Variants in PDZRN4 observed in about 807,000 individuals in gnomAD.
PDZRN4 encodes the protein PDZ domain containing ring finger 4, also known as PDZ domain-containing RING finger protein 4.
In PDZRN4, 70 loss-of-function variants were observed where a neutral mutation model predicts 99.0. That is an observed-to-expected ratio of 0.71 (90% CI 0.58 to 0.86). PDZRN4 has a LOEUF of 0.86. Ranked by LOEUF, PDZRN4 falls within the 40% of genes least tolerant of loss-of-function variation. The pLI is 0.00. For missense variants in PDZRN4, 1,474 were observed against 1,331.2 expected (o/e 1.11, Z -1.67); for synonymous variants, 551 against 501.6 (o/e 1.10, Z -1.32).
At chr12:41,498,140 T>C (rs1938042962) in intron 3 of PDZRN4, among the ~76,000 whole-genome samples, 1 of 152,056 alleles carries the variant, frequency 6.6e-6, no homozygotes, top group South Asian at 2.1e-4. Context: ...AATCTCTCTC[T>C]CTCTCTCTCT....
chr12:41,469,868 T>G (rs1198124610), intron 3 of PDZRN4, among the ~76,000 whole-genome samples: 1 of 152,022 alleles, frequency 6.6e-6, no homozygotes, highest in Admixed American at 6.5e-5. Context: ...AGGCAGAGCT[T>G]GCAGTGAGCA....
At chr12:41,225,018 T>C (rs1336884159) in intron 3 of PDZRN4, among the ~76,000 whole-genome samples, 2 of 152,070 alleles carry the variant, frequency 1.3e-5, no homozygotes, top group African/African-American at 2.4e-5. Context: ...TAAAGAAAAA[T>C]AGGAACAAGT....
At position 41,449,980 on chromosome 12, in the gene PDZRN4, C is replaced by T. The variant is rs1247062396; in HGVS notation, c.844-56476C>T. Among the ~76,000 whole-genome samples the T allele has an allele frequency of 3.3e-5, 5 of 152,050 alleles. No individual in the cohort carries two copies. The East Asian group carries it at 9.7e-4, about 29-fold the overall frequency. On this transcript the variant is annotated intron_variant, in intron 3 of 9. Coordinates refer to ENST00000402685, the MANE Select transcript of PDZRN4 (RefSeq NM_001164595.2). The stretch of plus-strand genomic sequence containing the variant: ...TAGTTATAAAATATACTGGAAATTG[C>T]CTAAATTTTATTTGATGATGATGCC...
At chr12:41,362,792 T>C (rs1287591537) in intron 3 of PDZRN4, among the ~76,000 whole-genome samples, 1 of 152,100 alleles carries the variant, frequency 6.6e-6, no homozygotes, top group African/African-American at 2.4e-5. Context: ...GCAAGCAGTT[T>C]AGTTACTGCC....
chr12:41,394,357 G>C (rs1056221744), intron 3 of PDZRN4, among the ~76,000 whole-genome samples: 2 of 152,172 alleles, frequency 1.3e-5, no homozygotes, highest in Non-Finnish European at 2.9e-5. Context: ...TATTCCAAGA[G>C]TGACAGCCTT....
chr12:41,289,644 C>T (rs12313636), intron 3 of PDZRN4, among the ~76,000 whole-genome samples: 12,161 of 148,116 alleles, frequency 0.082, 636 homozygotes, highest in African/African-American at 0.15. Flanking sequence ...GTGCAGCTTG[C>T]AAGGCACGGC....
chr12:41,524,720 T>C (rs968871272), intron 5 of PDZRN4, among the ~76,000 whole-genome samples: 1 of 152,164 alleles, frequency 6.6e-6, no homozygotes, highest in Non-Finnish European at 1.5e-5. Context: ...GGAAACAGCA[T>C]GATTTCTATT....
At chr12:41,201,064 G>T (rs1283364485) in intron 3 of PDZRN4, among the ~76,000 whole-genome samples, 4 of 151,184 alleles carry the variant, frequency 2.6e-5, no homozygotes, top group Non-Finnish European at 5.9e-5. Flanking sequence ...TTGCTCCTTT[G>T]CTTAGGGGCC....
At chr12:41,349,787 A>G (rs1255161715) in intron 3 of PDZRN4, among the ~76,000 whole-genome samples, 1 of 152,000 alleles carries the variant, frequency 6.6e-6, no homozygotes, top group Admixed American at 6.6e-5. Flanking sequence ...TTCATAACAG[A>G]GGTATATGTA....
chr12:41,291,289 G>C (rs75713164), intron 3 of PDZRN4, among the ~76,000 whole-genome samples: 1,793 of 152,192 alleles, frequency 0.012, 21 homozygotes, highest in African/African-American at 0.027. Context: ...TGAAGCATAA[G>C]ATTTAAATGG....
intron 3 of PDZRN4, among the ~76,000 whole-genome samples, chr12:41,226,403 T>C (rs918085858): frequency 6.6e-5 from 10 of 152,178 alleles, no homozygotes; most frequent in Non-Finnish European, 1.3e-4. Context: ...TTTGAGGTCA[T>C]GGATTTTGGG....
rs562545168 is a variant in PDZRN4, at chr12:41,490,484, C to T, written c.844-15972C>T. On this transcript the variant is annotated intron_variant, in intron 3 of 9. Transcript: ENST00000402685. ...AAGAAAATTATTTGGAATGCCATGT[C>T]GATTACAAAGTATTAGAAATAATTT... is the stretch of plus-strand genomic sequence containing the variant. 3.9e-5 allele frequency among the ~76,000 whole-genome samples: 6 copies of T among 152,116 alleles called. No homozygotes were observed. The South Asian group carries it at 8.3e-4, about 21-fold the overall frequency.
rs117190594 is a variant in PDZRN4, at chr12:41,238,596, T to A, written c.843+44408T>A. On this transcript the variant is annotated intron_variant, in intron 3 of 9. Coordinates refer to ENST00000402685, the MANE Select transcript of PDZRN4 (RefSeq NM_001164595.2). ...GACAGACACCTCTCAAAAGAAGACA[T>A]ACACGCAGCCAAAAAGCACAAGAAA... Among the ~76,000 whole-genome samples, 1,344 of 151,882 alleles carry A rather than the reference T, an allele frequency of 8.8e-3. 15 individuals are homozygous for A. Among genetic ancestry groups the A allele is most frequent in the Middle Eastern group, 0.044 (13 of 294 alleles).
intron 3 of PDZRN4, among the ~76,000 whole-genome samples, chr12:41,345,243 A>G (rs958623411): frequency 6.6e-6 from 1 of 152,212 alleles, no homozygotes; most frequent in Non-Finnish European, 1.5e-5. Context: ...TCAGTGATTG[A>G]TGCTGCATTA....
intron 3 of PDZRN4, among the ~76,000 whole-genome samples, chr12:41,407,961 T>A (rs1368114420): frequency 6.6e-6 from 1 of 152,222 alleles, no homozygotes; most frequent in Admixed American, 6.5e-5. Context: ...AAAGTGATCA[T>A]AGAAAAGTAA....
At chr12:41,227,253 T>C (rs1951001017) in intron 3 of PDZRN4, among the ~76,000 whole-genome samples, 1 of 152,186 alleles carries the variant, frequency 6.6e-6, no homozygotes, top group South Asian at 2.1e-4. Context: ...GTTTGAGGTT[T>C]GTTCTGTTTA....
chr12:41,474,972 T>C (rs1024789625), intron 3 of PDZRN4, among the ~76,000 whole-genome samples: 1 of 152,126 alleles, frequency 6.6e-6, no homozygotes, highest in African/African-American at 2.4e-5. Context: ...GGCTGGAAAA[T>C]GCAAGTAGAA....
At chr12:41,356,610 A>C (rs1951929271) in intron 3 of PDZRN4, among the ~76,000 whole-genome samples, 1 of 152,020 alleles carries the variant, frequency 6.6e-6, no homozygotes, top group South Asian at 2.1e-4. Flanking sequence ...TTAAAGAAGC[A>C]CATAGAGAAA....
intron 3 of PDZRN4, among the ~76,000 whole-genome samples, chr12:41,365,008 T>C (rs1218728019): frequency 6.6e-6 from 1 of 152,102 alleles, no homozygotes; most frequent in Non-Finnish European, 1.5e-5. Flanking sequence ...GTGAGTTACA[T>C]AAATTAGCAG....
Sources: allele counts gnomAD v4.1 joint callset (sites outside exome capture counted in the v4.1 genomes callset), GRCh38; gene constraint gnomAD v4.1.1; transcripts MANE v1.5; gene names NCBI Gene and HGNC (gene_info 2026-07-23, HGNC 2026-07-21).